HHLA2: variants seen among roughly 807,000 people sequenced by gnomAD.
HHLA2 encodes the protein HHLA2 member of B7 family.
A neutral mutation model predicts 45.9 loss-of-function variants in HHLA2; 48 were observed. That is an observed-to-expected ratio of 1.05 (90% CI 0.83 to 1.33). The LOEUF is 1.33. Ranked by LOEUF, HHLA2 falls within the 40% of genes most tolerant of loss-of-function variation. The probability of loss-of-function intolerance (pLI) is 0.00; values close to 1 mark genes in which losing one functional copy is unlikely to be tolerated. For synonymous variants in HHLA2, 161 were observed against 173.9 expected (o/e 0.93, Z 0.59); for missense variants, 462 against 494.3 (o/e 0.93, Z 0.62).
chr3:108,298,469 C>A (rs1481837711), intron 1 of HHLA2, among the ~76,000 whole-genome samples: 3 of 152,200 alleles, frequency 2.0e-5, no homozygotes, highest in Non-Finnish European at 4.4e-5. Flanking sequence ...AATTTAGCCC[C>A]AACTAAAGTT....
chr3:108,370,288 A>G (rs1002180827), intron 8 of HHLA2, among the ~76,000 whole-genome samples: 4 of 152,168 alleles, frequency 2.6e-5, no homozygotes, highest in African/African-American at 9.7e-5. Flanking sequence ...AAGGAAAACT[A>G]ACAAACAGAA....
At chr3:108,357,957 A>T in exon 7 of HHLA2, 1 of 1,613,748 alleles carries the variant, frequency 6.2e-7, no homozygotes, top group Non-Finnish European at 8.5e-7. Context: ...GAAAAGTGGG[A>T]CTTTCTCTGT....
chr3:108,349,380 A>T (rs2081734741), intron 3 of HHLA2, among the ~76,000 whole-genome samples: 1 of 152,198 alleles, frequency 6.6e-6, no homozygotes, highest in African/African-American at 2.4e-5. Flanking sequence ...ACGCAAATAA[A>T]CTAGAAAATC....
At position 108,333,941 on chromosome 3, in the gene HHLA2, C is replaced by T. The variant is rs906448907; in HGVS notation, c.-27+5594C>T. On this transcript the variant is annotated intron_variant, in intron 3 of 10. Coordinates refer to ENST00000619531, the Ensembl canonical transcript of HHLA2. Reference sequence around the variant, plus strand: ...CATGTATCTGTGTGTCTCTGACCCACCTATCTCTCATTCTGTTCTGCTTCA... The same window carrying T: ...CATGTATCTGTGTGTCTCTGACCCATCTATCTCTCATTCTGTTCTGCTTCA... 2.0e-5 allele frequency among the ~76,000 whole-genome samples: 3 copies of T among 152,182 alleles called. No individual in the cohort carries two copies. The East Asian group carries it at 5.8e-4, about 29-fold the overall frequency.
Position 108,358,176 on chromosome 3 carries a change from G to A in HHLA2, c.1003+15G>A, listed in dbSNP as rs1268905182. The A allele has an allele frequency of 1.9e-6, 3 of 1,573,840 alleles. No individual in the cohort carries two copies. The highest frequency in any genetic ancestry group is 1.8e-5 in the Admixed American group (1 of 56,610). ...AGTGCATGTAGGTAAGTTGCAAGTA[G>A]GTTTGGATAATGGGTTTTGGCTGTA... On this transcript the variant is annotated intron_variant, in intron 7 of 10. Transcript: ENST00000619531.
At chr3:108,329,419 T>A (rs764742941) in intron 3 of HHLA2, among the ~76,000 whole-genome samples, 8 of 152,120 alleles carry the variant, frequency 5.3e-5, no homozygotes, top group Non-Finnish European at 1.2e-4. Flanking sequence ...ATCAGAGGCA[T>A]CAAAGTAGGG....
exon 4 of HHLA2, chr3:108,351,854 T>G: frequency 6.2e-7 from 1 of 1,611,844 alleles, no homozygotes; most frequent in Non-Finnish European, 8.5e-7. Context: ...CTCATTCTCA[T>G]AACATCTCTG....
At chr3:108,331,852 C>T (rs1216098218) in intron 3 of HHLA2, among the ~76,000 whole-genome samples, 2 of 152,084 alleles carry the variant, frequency 1.3e-5, no homozygotes, top group African/African-American at 2.4e-5. Context: ...GCCTGCCTCC[C>T]CCTCCCCATT....
At chr3:108,344,892 A>G (rs950545340) in intron 3 of HHLA2, among the ~76,000 whole-genome samples, 1 of 152,188 alleles carries the variant, frequency 6.6e-6, no homozygotes, top group Non-Finnish European at 1.5e-5. Flanking sequence ...GGAGGATTAT[A>G]TTATCTACCC....
At chr3:108,311,451 G>C (rs1472213557) in intron 2 of HHLA2, among the ~76,000 whole-genome samples, 1 of 152,134 alleles carries the variant, frequency 6.6e-6, no homozygotes, top group African/African-American at 2.4e-5. Flanking sequence ...GGAGAAAATG[G>C]AAATTCAAGT....
chr3:108,306,963 C>T (rs2080940637), intron 1 of HHLA2, among the ~76,000 whole-genome samples: 1 of 152,130 alleles, frequency 6.6e-6, no homozygotes, highest in Non-Finnish European at 1.5e-5. Context: ...TCAAGCAATT[C>T]TCCTGCCTCA....
At position 108,303,315 on chromosome 3, in the gene HHLA2, C is replaced by G. The variant is rs116517465; in HGVS notation, c.-192+6716C>G. ...ATTCAATTTATGTTCTATAGCTCAACCTCATCTAGTGCATTCATCTCTTTC... is the reference window on the plus strand; with the variant it reads ...ATTCAATTTATGTTCTATAGCTCAAGCTCATCTAGTGCATTCATCTCTTTC... On this transcript the variant is annotated intron_variant, in intron 1 of 10. Coordinates refer to ENST00000619531, the Ensembl canonical transcript of HHLA2. Among the ~76,000 whole-genome samples, 544 of 152,298 alleles carry G rather than the reference C, an allele frequency of 3.6e-3. 4 individuals carry two copies. Among genetic ancestry groups the G allele is most frequent in the Middle Eastern group, 0.014 (4 of 294 alleles).
intron 8 of HHLA2, among the ~76,000 whole-genome samples, chr3:108,364,451 C>A (rs1408060116): frequency 2.6e-5 from 4 of 152,198 alleles, no homozygotes; most frequent in African/African-American, 9.7e-5. Context: ...CTGCAATAAA[C>A]ATACATGTGC....
intron 2 of HHLA2, among the ~76,000 whole-genome samples, chr3:108,327,573 G>C (rs1039538573): frequency 6.6e-6 from 1 of 151,928 alleles, no homozygotes; most frequent in Admixed American, 6.6e-5. Context: ...TAACTGTCTA[G>C]TCAGCTGTTA....
chr3:108,348,858 A>G (rs1265610725), intron 3 of HHLA2, among the ~76,000 whole-genome samples: 1 of 131,610 alleles, frequency 7.6e-6, no homozygotes, highest in African/African-American at 2.9e-5. Flanking sequence ...TCCATGTTCC[A>G]CTCCCACTTA....
intron 10 of HHLA2, 38 bp downstream of exon 9, chr3:108,376,595 T>TA: frequency 1.9e-6 from 3 of 1,552,776 alleles, no homozygotes; most frequent in Middle Eastern, 1.7e-4. Context: ...ATATACAGTA[T>TA]AAAAATGCTT....
intron 2 of HHLA2, among the ~76,000 whole-genome samples, chr3:108,312,777 C>T (rs1276061851): frequency 6.6e-6 from 1 of 152,218 alleles, no homozygotes; most frequent in Non-Finnish European, 1.5e-5. Flanking sequence ...AAAGCTCACC[C>T]TCAGTAATTC....
intron 4 of HHLA2, among the ~76,000 whole-genome samples, chr3:108,353,042 T>C (rs529040507): frequency 6.6e-6 from 1 of 152,204 alleles, no homozygotes; most frequent in African/African-American, 2.4e-5. Flanking sequence ...ATAAACTAAT[T>C]TATTGTTGCT....
At chr3:108,365,785 G>A (rs2082053604) in intron 8 of HHLA2, among the ~76,000 whole-genome samples, 1 of 152,150 alleles carries the variant, frequency 6.6e-6, no homozygotes, top group Non-Finnish European at 1.5e-5. Context: ...GTCTCTGTTT[G>A]TCTGTTATTG....
Sources: allele counts gnomAD v4.1 joint callset (sites outside exome capture counted in the v4.1 genomes callset), GRCh38; gene constraint gnomAD v4.1.1; transcripts MANE v1.5; gene names NCBI Gene and HGNC (gene_info 2026-07-23, HGNC 2026-07-21).